The following PPFIA2 variants were observed in gnomAD, a reference collection of about 807,000 sequenced individuals.
PPFIA2 encodes PPFI scaffold protein A2, also known as liprin-alpha-2.
A neutral mutation model predicts 175.5 loss-of-function variants in PPFIA2; 46 were observed. The observed-to-expected ratio is 0.26, with a 90% CI of 0.21 to 0.34. The LOEUF is 0.34. PPFIA2 is among the 10% of genes least tolerant of loss of function. The pLI is 1.00. For synonymous variants in PPFIA2, 568 were observed against 511.4 expected, an observed-to-expected ratio of 1.11 and a Z score of -1.49; for missense variants, 1,179 against 1,506.1, an observed-to-expected ratio of 0.78 and a Z score of 3.60.
At chr12:81,394,205 GAA>G (rs891128427) in intron 8 of PPFIA2, among the ~76,000 whole-genome samples, 1 of 152,024 alleles carries the variant, frequency 6.6e-6, no homozygotes, top group Admixed American at 6.6e-5. Flanking sequence ...ATCAAGTTTT[GAA>G]AGTTTTTAGA....
At chr12:81,619,045 A>C (rs1269431763) in intron 4 of PPFIA2, among the ~76,000 whole-genome samples, 1 of 152,194 alleles carries the variant, frequency 6.6e-6, no homozygotes, top group Non-Finnish European at 1.5e-5. Flanking sequence ...AAACACAAAA[A>C]TTGCTTGTGA....
rs565626829 is a variant in PPFIA2, at chr12:81,504,774, G to T, written c.304-46908C>A. On this transcript the variant is annotated intron_variant, in intron 4 of 32. Transcript: ENST00000549396. ...GCCCATCAGTGATAGACTGGATAAAGAAAATGTGGCACATATATACCATGG... is the reference window on the plus strand; with the variant it reads ...GCCCATCAGTGATAGACTGGATAAATAAAATGTGGCACATATATACCATGG... 9.3e-4 allele frequency among the ~76,000 whole-genome samples: 142 copies of T among 152,248 alleles called. 1 individual carries two copies. The highest frequency in any genetic ancestry group is 3.3e-3 in the African/African-American group (135 of 41,538).
chr12:81,578,561 G>A (rs970090351), intron 4 of PPFIA2, among the ~76,000 whole-genome samples: 2 of 151,686 alleles, frequency 1.3e-5, no homozygotes, highest in African/African-American at 4.8e-5. Context: ...GTTTCATGAC[G>A]AGGATGATGA....
chr12:81,610,646 T>G (rs912774459), intron 4 of PPFIA2, among the ~76,000 whole-genome samples: 19 of 152,328 alleles, frequency 1.2e-4, no homozygotes, highest in Admixed American at 1.0e-3. Flanking sequence ...CTAGATTCCC[T>G]GGATTTTTTG....
intron 22 of PPFIA2, among the ~76,000 whole-genome samples, chr12:81,324,706 GAATA>G (rs1333142644): frequency 6.6e-6 from 1 of 151,778 alleles, no homozygotes; most frequent in African/African-American, 2.4e-5. Context: ...AGTAACTAAA[GAATA>G]AATATATATT....
chr12:81,640,385 C>A (rs1315280480), intron 4 of PPFIA2, among the ~76,000 whole-genome samples: 1 of 152,124 alleles, frequency 6.6e-6, no homozygotes, highest in African/African-American at 2.4e-5. Context: ...GAACGACAAA[C>A]AACAACAAAA....
At chr12:81,621,704 T>C (rs2153481205) in intron 4 of PPFIA2, among the ~76,000 whole-genome samples, 1 of 152,298 alleles carries the variant, frequency 6.6e-6, no homozygotes, top group African/African-American at 2.4e-5. Context: ...CCAATAATTT[T>C]CCTAAAGAAA....
chr12:81,460,367 G>A (rs2054312377), intron 4 of PPFIA2, among the ~76,000 whole-genome samples: 2 of 152,030 alleles, frequency 1.3e-5, no homozygotes, highest in Non-Finnish European at 2.9e-5. Context: ...CCCCAGTAAC[G>A]TGGAGCTGTG....
At chr12:81,446,984 T>A (rs2051402468) in intron 5 of PPFIA2, among the ~76,000 whole-genome samples, 1 of 151,990 alleles carries the variant, frequency 6.6e-6, no homozygotes, top group Non-Finnish European at 1.5e-5. Flanking sequence ...CATAAATCAG[T>A]AGATAAGAGT....
At chr12:81,662,373 C>G (rs180988664) in intron 4 of PPFIA2, among the ~76,000 whole-genome samples, 3 of 152,196 alleles carry the variant, frequency 2.0e-5, no homozygotes, top group Admixed American at 2.0e-4. Context: ...GGGGATATTA[C>G]CACCAATCCC....
chr12:81,674,126 T>C (rs2153566545), intron 4 of PPFIA2, among the ~76,000 whole-genome samples: 1 of 152,140 alleles, frequency 6.6e-6, no homozygotes, highest in African/African-American at 2.4e-5. Context: ...AACATTTATG[T>C]GTACCCACAG....
At chr12:81,321,553 A>G (rs927377521) in intron 22 of PPFIA2, among the ~76,000 whole-genome samples, 2 of 152,148 alleles carry the variant, frequency 1.3e-5, no homozygotes, top group East Asian at 1.9e-4. Flanking sequence ...GTGCAACTTG[A>G]AAGTCTGTGA....
intron 3 of PPFIA2, among the ~76,000 whole-genome samples, chr12:81,725,757 T>G (rs2079991591): frequency 6.6e-6 from 1 of 150,538 alleles, no homozygotes; most frequent in Non-Finnish European, 1.5e-5. Flanking sequence ...TTGAATAATC[T>G]AATCAAGAAA....
At chr12:81,407,038 A>G (rs1303153987) in intron 7 of PPFIA2, among the ~76,000 whole-genome samples, 2 of 152,158 alleles carry the variant, frequency 1.3e-5, no homozygotes, top group Non-Finnish European at 2.9e-5. Context: ...ATCCTTCTCT[A>G]GGTATATGTT....
chr12:81,380,298 C>T (rs1288151282), intron 9 of PPFIA2, among the ~76,000 whole-genome samples: 1 of 151,978 alleles, frequency 6.6e-6, no homozygotes, highest in Non-Finnish European at 1.5e-5. Context: ...CCTAGGAGTT[C>T]GAGGTTGCAG....
intron 4 of PPFIA2, among the ~76,000 whole-genome samples, chr12:81,633,840 G>A (rs966630220): frequency 3.3e-5 from 5 of 152,076 alleles, no homozygotes; most frequent in Middle Eastern, 3.4e-3. Context: ...TTTGGAGCAG[G>A]GGGGAGAGGA....
chr12:81,270,002 T>A (rs2136373786), intron 28 of PPFIA2, among the ~76,000 whole-genome samples: 1 of 152,178 alleles, frequency 6.6e-6, no homozygotes, highest in East Asian at 1.9e-4. Flanking sequence ...GACCAAAATG[T>A]CAGAAAAATC....
intron 4 of PPFIA2, among the ~76,000 whole-genome samples, chr12:81,670,603 A>G (rs114936231): frequency 0.012 from 1,813 of 152,048 alleles, 39 homozygotes; most frequent in African/African-American, 0.041. Context: ...GACTTCCTGC[A>G]TAACCAAGCT....
At chr12:81,404,790 A>G (rs1371089592) in intron 8 of PPFIA2, among the ~76,000 whole-genome samples, 1 of 152,072 alleles carries the variant, frequency 6.6e-6, no homozygotes, top group Non-Finnish European at 1.5e-5. Flanking sequence ...ATTTTTTCTA[A>G]CCACATAAGT....
Sources: gnomAD v4.1 joint callset for allele counts (sites outside exome capture counted in the v4.1 genomes callset) on GRCh38, gnomAD v4.1.1 for gene constraint, MANE v1.5 for transcripts, NCBI Gene and HGNC (gene_info 2026-07-23, HGNC 2026-07-21) for gene names.